DENND4C: variants seen among roughly 807,000 people sequenced by gnomAD.
DENND4C encodes the protein DENN domain containing 4C.
DENND4C carries 108 observed loss-of-function variants against 203.0 expected under a neutral mutation model. That is an observed-to-expected ratio of 0.53 (90% CI 0.46 to 0.62). DENND4C has a LOEUF of 0.62. DENND4C is among the 20% of genes least tolerant of loss of function. The pLI, the probability that DENND4C is intolerant of heterozygous loss-of-function variation, is 0.00. For missense variants in DENND4C, 2,481 were observed against 2,301.2 expected (o/e 1.08, Z -1.60); for synonymous variants, 871 against 792.4 (o/e 1.10, Z -1.67).
chr9:19,348,664 G>C (rs192503800), intron 23 of DENND4C, among the ~76,000 whole-genome samples: 2 of 151,884 alleles, frequency 1.3e-5, no homozygotes, highest in African/African-American at 2.4e-5. Flanking sequence ...AATAATAATT[G>C]AATTAAAAGT....
intron 7 of DENND4C, among the ~76,000 whole-genome samples, chr9:19,298,456 A>G (rs1231389015): frequency 6.6e-6 from 1 of 152,190 alleles, no homozygotes; most frequent in East Asian, 1.9e-4. Flanking sequence ...TGAATATAAA[A>G]TGAGCAATGG....
At chr9:19,325,190 C>A (rs978400343) in intron 13 of DENND4C, among the ~76,000 whole-genome samples, 9 of 151,682 alleles carry the variant, frequency 5.9e-5, no homozygotes, top group Non-Finnish European at 1.2e-4. Context: ...AATAGAAGTT[C>A]TATGTTCTTT....
chr9:19,282,108 A>C (rs1048616740), intron 2 of DENND4C, among the ~76,000 whole-genome samples: 1 of 151,978 alleles, frequency 6.6e-6, no homozygotes, highest in Non-Finnish European at 1.5e-5. Context: ...TAAACTTTTA[A>C]AGTTTTTGTT....
At chr9:19,281,644 C>A (rs1834061774) in intron 2 of DENND4C, among the ~76,000 whole-genome samples, 1 of 152,120 alleles carries the variant, frequency 6.6e-6, no homozygotes. Context: ...CATAGAAATA[C>A]CGTATATACT....
chr9:19,362,395 A>T (rs1188661539), intron 30 of DENND4C, among the ~76,000 whole-genome samples: 8 of 152,210 alleles, frequency 5.3e-5, no homozygotes, highest in Non-Finnish European at 8.8e-5. Flanking sequence ...ATACTGTAGG[A>T]TATTGTTCTG....
At position 19,290,867 on chromosome 9, in the gene DENND4C, A is replaced by C. The variant is rs779356395; in HGVS notation, c.792A>C (p.Ser264=). ...VFSTFVLTGS[S]AKKVYGAAIQ... ...CAACTTTTGTCTTGACAGGTTCTTC[A>C]GCCAAAAAGGTATGTTTTTGTCTCA... Residue 264 remains serine (S), a synonymous_variant, in exon 5 of 33, where the codon TCA becomes TCC. Transcript: ENST00000434457. 8 of 1,613,210 alleles carry C rather than the reference A, an allele frequency of 5.0e-6. No homozygotes were observed. Among genetic ancestry groups the C allele is most frequent in the Non-Finnish European group, 6.8e-6 (8 of 1,179,612 alleles).
At chr9:19,278,347 A>C (rs1588824740) in intron 2 of DENND4C, among the ~76,000 whole-genome samples, 3 of 152,094 alleles carry the variant, frequency 2.0e-5, no homozygotes, top group African/African-American at 7.2e-5. Flanking sequence ...CCATATTGGC[A>C]AAGCTGGTCT....
chr9:19,258,302 T>C (rs1489262576), intron 1 of DENND4C, among the ~76,000 whole-genome samples: 2 of 152,204 alleles, frequency 1.3e-5, no homozygotes, highest in Non-Finnish European at 2.9e-5. Flanking sequence ...ACCATTTCTC[T>C]ACAACCTTTT....
intron 1 of DENND4C, among the ~76,000 whole-genome samples, chr9:19,263,264 C>G (rs1016468046): frequency 6.6e-5 from 10 of 152,154 alleles, no homozygotes; most frequent in African/African-American, 2.4e-4. Flanking sequence ...TTGGAACTAT[C>G]CTTGTCTCCC....
rs1484008098 is a variant in DENND4C at position 19,300,316 on chromosome 9, T to A, written c.1296T>A (p.Ala432=). Residue 432 remains alanine, a synonymous_variant, in exon 9 of 33, where the codon GCT becomes GCA. Transcript: ENST00000434457. ...SLRPAVLTGV[A]EAVVAMIFPF... is the part of the protein sequence containing the mutation. ...GGCCAGCTGTCTTGACTGGGGTAGC[T>A]GAAGCTGTTGTAGCTGTAAGTATAG... is the stretch of plus-strand genomic sequence containing the variant. 11 of 1,590,752 alleles carry A rather than the reference T, an allele frequency of 6.9e-6. No individual in the cohort carries two copies. Among genetic ancestry groups the A allele is most frequent in the Middle Eastern group, 1.7e-4 (1 of 5,986 alleles).
At chr9:19,362,188 C>T (rs1479265588) in intron 30 of DENND4C, among the ~76,000 whole-genome samples, 3 of 152,070 alleles carry the variant, frequency 2.0e-5, no homozygotes, top group Admixed American at 6.6e-5. Context: ...GCTTGAAAAT[C>T]GCTTGAACCT....
intron 30 of DENND4C, among the ~76,000 whole-genome samples, chr9:19,363,615 A>G (rs897611877): frequency 3.9e-5 from 6 of 152,196 alleles, no homozygotes; most frequent in African/African-American, 1.4e-4. Flanking sequence ...TAGGGCCTCA[A>G]CATATGAATT....
At chr9:19,319,251 A>T (rs900383580) in intron 12 of DENND4C, among the ~76,000 whole-genome samples, 35 of 147,100 alleles carry the variant, frequency 2.4e-4, no homozygotes. Flanking sequence ...ATATATATAA[A>T]CATATGTATA....
chr9:19,309,186 G>T (rs1840275658), intron 10 of DENND4C, among the ~76,000 whole-genome samples: 1 of 152,156 alleles, frequency 6.6e-6, no homozygotes, highest in South Asian at 2.1e-4. Flanking sequence ...ACTTTGAGAG[G>T]CTGAGACGGG....
At chr9:19,241,238 T>G (rs1823623188) in intron 1 of DENND4C, among the ~76,000 whole-genome samples, 1 of 152,218 alleles carries the variant, frequency 6.6e-6, no homozygotes, top group Non-Finnish European at 1.5e-5. Flanking sequence ...ATTAGCTTAT[T>G]GTAACCTTTT....
intron 2 of DENND4C, among the ~76,000 whole-genome samples, chr9:19,282,116 G>GT (rs1834169283): frequency 6.6e-6 from 1 of 151,188 alleles, no homozygotes; most frequent in Non-Finnish European, 1.5e-5. Context: ...TAAAGTTTTT[G>GT]TTAATTTTTT....
At chr9:19,256,844 G>C (rs1828090160) in intron 1 of DENND4C, among the ~76,000 whole-genome samples, 1 of 152,054 alleles carries the variant, frequency 6.6e-6, no homozygotes, top group Non-Finnish European at 1.5e-5. Flanking sequence ...GCCGAGGCAG[G>C]TGGATCACGA....
In DENND4C at chr9:19,332,406, G is replaced by C. The variant is rs542550257; in HGVS notation, c.2460+222G>C. 8.5e-5 allele frequency among the ~76,000 whole-genome samples: 13 copies of C among 152,094 alleles called. 1 individual carries two copies. In the South Asian group the frequency reaches 2.7e-3, roughly 32 times the overall value. ...GAGTCTCACTCTGTCACCCAGGCTG[G>C]AGTTCAGCAGTGCGTCCTTGGCTCC... On this transcript the variant is annotated intron_variant, in intron 17 of 32. Transcript: ENST00000434457.
chr9:19,347,715 C>G (rs539053012), intron 23 of DENND4C, among the ~76,000 whole-genome samples: 2 of 152,212 alleles, frequency 1.3e-5, no homozygotes, highest in Admixed American at 1.3e-4. Context: ...CTAGTCTAAA[C>G]TAAAACATTA....
Sources: allele counts gnomAD v4.1 joint callset (sites outside exome capture counted in the v4.1 genomes callset), GRCh38; gene constraint gnomAD v4.1.1; transcripts MANE v1.5; gene names NCBI Gene and HGNC (gene_info 2026-07-23, HGNC 2026-07-21).